The following SMYD3 variants were observed in gnomAD, a reference collection of about 807,000 sequenced individuals.
The protein encoded by SMYD3 is SET and MYND domain containing 3.
Under a neutral mutation model 57.7 loss-of-function variants are expected in SMYD3, and 36 were observed. The observed-to-expected ratio is 0.62, with a 90% CI of 0.48 to 0.82. The LOEUF (loss-of-function observed/expected upper bound fraction) is 0.82, where lower values mean the gene tolerates loss of function less well. Ranked by LOEUF, SMYD3 falls within the 40% of genes least tolerant of loss-of-function variation. SMYD3 has a pLI of 0.00. For synonymous variants in SMYD3, 211 were observed against 195.0 expected (o/e 1.08, Z -0.68); for missense variants, 515 against 538.8 (o/e 0.96, Z 0.44).
intron 5 of SMYD3, among the ~76,000 whole-genome samples, chr1:246,074,913 TACACACACACACACACACACAC>T (rs60103366): frequency 6.7e-6 from 1 of 148,374 alleles, no homozygotes; most frequent in East Asian, 2.0e-4. Flanking sequence ...GCTAAAGCAA[TACACACACACACACACACACAC>T]ACACACACAC....
chr1:245,751,620 A>AG (rs2045381341), intron 11 of SMYD3, among the ~76,000 whole-genome samples: 2 of 126,392 alleles, frequency 1.6e-5, no homozygotes, highest in Non-Finnish European at 3.4e-5. Flanking sequence ...GAGAGAGAGA[A>AG]AAAGAGAGAG....
chr1:246,072,658 G>A (rs1485356635), intron 5 of SMYD3, among the ~76,000 whole-genome samples: 1 of 152,118 alleles, frequency 6.6e-6, no homozygotes. Flanking sequence ...TGTCTGTAAG[G>A]GTGTTTCCAG....
intron 5 of SMYD3, among the ~76,000 whole-genome samples, chr1:246,245,280 T>C (rs1273839364): frequency 2.0e-5 from 3 of 152,004 alleles, no homozygotes; most frequent in African/African-American, 7.2e-5. Flanking sequence ...CTGTCTCTAG[T>C]AAAAACACAA....
Position 246,392,678 on chromosome 1 carries a change from C to T in SMYD3, c.165-37584G>A, listed in dbSNP as rs145667396. Among the ~76,000 whole-genome samples the T allele has an allele frequency of 3.0e-3, 461 of 151,888 alleles. 15 individuals carry two copies. Among genetic ancestry groups the T allele is most frequent in the East Asian group, 0.018 (91 of 5,150 alleles). ...GCCCAGGCTGGCCTTGAACTCCAGG[C>T]CTCAAGTCATCCTCCCACCTCCACC... On this transcript the variant is annotated intron_variant, in intron 1 of 11. Transcript: ENST00000490107.
Position 246,268,798 on chromosome 1 carries a change from G to A in SMYD3, c.531+58403C>T, listed in dbSNP as rs573326266. Among the ~76,000 whole-genome samples the A allele has an allele frequency of 1.1e-3, 173 of 152,220 alleles. 1 individual carries two copies. Among genetic ancestry groups the A allele is most frequent in the African/African-American group, 3.5e-3 (147 of 41,550 alleles). On this transcript the variant is annotated intron_variant, in intron 5 of 11. Coordinates refer to ENST00000490107, the MANE Select transcript of SMYD3 (RefSeq NM_001167740.2). ...GGGCTGCTCTGTCTATGGAGTAGCCGTTCTTTTATTCCTTTACTTTCTTAA... is the reference window on the plus strand; with the variant it reads ...GGGCTGCTCTGTCTATGGAGTAGCCATTCTTTTATTCCTTTACTTTCTTAA...
intron 1 of SMYD3, among the ~76,000 whole-genome samples, chr1:246,435,534 CAA>C (rs2067357744): frequency 6.6e-6 from 1 of 151,556 alleles, no homozygotes; most frequent in African/African-American, 2.4e-5. Flanking sequence ...GTGTGTTACG[CAA>C]AGAGGTATTC....
intron 1 of SMYD3, among the ~76,000 whole-genome samples, chr1:246,429,862 G>A (rs112552576): frequency 1.5e-4 from 5 of 33,922 alleles, no homozygotes; most frequent in Admixed American, 3.3e-4. Context: ...ATAATCATAC[G>A]AGAAACGGTA....
rs556817210 is a variant in SMYD3 at position 245,749,618 on chromosome 1, A to T, written c.1232T>A (p.Ile411Asn). 1 of 1,614,192 alleles carries T rather than the reference A, an allele frequency of 6.2e-7. No individual in the cohort carries two copies. The highest frequency in any genetic ancestry group is 1.7e-5 in the Admixed American group (1 of 60,024). The change falls in exon 12 of 12, where the codon ATT (isoleucine) becomes AAT (asparagine). Residue 411 changes from isoleucine to asparagine, a missense_variant. Coordinates refer to ENST00000490107, the MANE Select transcript of SMYD3 (RefSeq NM_001167740.2). ...RVTHGREHSL[I>N]EDLILLLEEC... ...TTCTAAAAGTAGAATCAAATCTTCA[A>T]TCAGGCTGTGTTCTCTGCCATGTGT...
At chr1:246,191,211 T>C (rs1209360709) in intron 5 of SMYD3, among the ~76,000 whole-genome samples, 1 of 152,226 alleles carries the variant, frequency 6.6e-6, no homozygotes, top group Non-Finnish European at 1.5e-5. Context: ...TTGAAATCAG[T>C]ACAGGGCCCT....
At position 246,507,261 on chromosome 1, in the gene SMYD3, A is replaced by G. The variant is rs1351571171; in HGVS notation, c.-44T>C. 1 of 1,454,054 alleles carries G rather than the reference A, an allele frequency of 6.9e-7. No individual in the cohort carries two copies. The highest frequency in any genetic ancestry group is 9.1e-7 in the Non-Finnish European group (1 of 1,096,672). The allele number at this position is 1,454,054 out of a possible 1,614,324, so 90.1% of individuals were successfully genotyped here. ...CCTCAGACGGCTACCCGCGTCCAGCAGCGGGCGTCTCACGGGCTGCCGGGA... is the reference window on the plus strand; with the variant it reads ...CCTCAGACGGCTACCCGCGTCCAGCGGCGGGCGTCTCACGGGCTGCCGGGA... On this transcript the variant is annotated 5_prime_UTR_variant, in exon 1 of 12. Coordinates refer to ENST00000490107, the MANE Select transcript of SMYD3 (RefSeq NM_001167740.2).
chr1:246,164,580 C>T (rs1005989610), intron 5 of SMYD3, among the ~76,000 whole-genome samples: 6 of 152,126 alleles, frequency 3.9e-5, no homozygotes, highest in South Asian at 4.1e-4. Flanking sequence ...AACACATGGA[C>T]GGGGGCATGT....
chr1:246,038,378 C>T lies in SMYD3; in HGVS notation c.532-108441G>A, dbSNP rs376137922. 5.5e-4 allele frequency among the ~76,000 whole-genome samples: 84 copies of T among 152,176 alleles called. 2 individuals are homozygous for T. Among genetic ancestry groups the T allele is most frequent in the African/African-American group, 1.8e-3 (74 of 41,516 alleles). ...AAGAGTCTTCTTAATGAGACAACTA[C>T]TCATCCTTCTAAGACAGAATTATCA... On this transcript the variant is annotated intron_variant, in intron 5 of 11. Transcript: ENST00000490107.
chr1:245,775,006 C>T (rs1285352405), intron 10 of SMYD3, among the ~76,000 whole-genome samples: 1 of 152,138 alleles, frequency 6.6e-6, no homozygotes, highest in Non-Finnish European at 1.5e-5. Context: ...ACTCAGTGGT[C>T]AATGGTGCCC....
At chr1:245,783,012 G>T (rs553390894) in intron 10 of SMYD3, among the ~76,000 whole-genome samples, 1 of 152,336 alleles carries the variant, frequency 6.6e-6, no homozygotes, top group South Asian at 2.1e-4. Context: ...ATGTGGGGCT[G>T]GCTTCTACAG....
At chr1:246,171,191 AT>A (rs1198875186) in intron 5 of SMYD3, among the ~76,000 whole-genome samples, 4 of 152,186 alleles carry the variant, frequency 2.6e-5, no homozygotes, top group Admixed American at 1.3e-4. Flanking sequence ...TCAAGAATTG[AT>A]TTTGGTAAAC....
chr1:246,353,061 C>A (rs1306144296), intron 2 of SMYD3, among the ~76,000 whole-genome samples: 1 of 152,086 alleles, frequency 6.6e-6, no homozygotes, highest in Admixed American at 6.5e-5. Flanking sequence ...CTTTCTGGAA[C>A]GAATACTGTA....
chr1:245,942,876 G>T (rs2057298963), intron 5 of SMYD3, among the ~76,000 whole-genome samples: 1 of 152,144 alleles, frequency 6.6e-6, no homozygotes, highest in Non-Finnish European at 1.5e-5. Context: ...ATGTGCTCCT[G>T]AATGACTCCT....
intron 5 of SMYD3, among the ~76,000 whole-genome samples, chr1:245,985,984 A>G (rs1558560132): frequency 6.6e-6 from 1 of 152,184 alleles, no homozygotes; most frequent in Non-Finnish European, 1.5e-5. Context: ...TACCTGGCTC[A>G]AAATAGGAGC....
intron 5 of SMYD3, among the ~76,000 whole-genome samples, chr1:246,006,315 C>T (rs1286704935): frequency 9.1e-6 from 1 of 109,710 alleles, no homozygotes; most frequent in Admixed American, 1.0e-4. Context: ...GGCTGGGGTG[C>T]TGGAGGGGCG....
Sources: allele counts gnomAD v4.1 joint callset (sites outside exome capture counted in the v4.1 genomes callset), GRCh38; gene constraint gnomAD v4.1.1; transcripts MANE v1.5; gene names NCBI Gene and HGNC (gene_info 2026-07-23, HGNC 2026-07-21).